SLC28A2: variants seen among roughly 807,000 people sequenced by gnomAD.
The protein encoded by SLC28A2 is solute carrier family 28 member 2.
SLC28A2 carries 69 observed loss-of-function variants against 72.9 expected under a neutral mutation model. That is an observed-to-expected ratio of 0.95 (90% CI 0.78 to 1.16). The LOEUF (loss-of-function observed/expected upper bound fraction) is 1.16, where lower values mean the gene tolerates loss of function less well. Among genes scored for constraint, SLC28A2 ranks in the 50% most tolerant of loss-of-function variants. SLC28A2 has a pLI of 0.00. For missense variants in SLC28A2, 745 were observed against 791.1 expected, an observed-to-expected ratio of 0.94 and a Z score of 0.70; for synonymous variants, 296 against 294.1, an observed-to-expected ratio of 1.01 and a Z score of -0.07.
At chr15:45,262,251 G>A (rs1170485458) in intron 4 of SLC28A2, 145 bp downstream of exon 4, 1 of 609,050 alleles carries the variant, frequency 1.6e-6, no homozygotes, top group African/African-American at 1.8e-5. Flanking sequence ...CTACTTGTAG[G>A]TGCACCATAA....
chr15:45,267,377 C>T lies in SLC28A2; in HGVS notation c.943-78C>T, dbSNP rs1259059736. ...ATGGATGTGTATCTAGTGGGTCCAG[C>T]CCCTGGGGCTGGGGTGGGCACACTG... On this transcript the variant is annotated intron_variant, in intron 10 of 17. Transcript: ENST00000347644. 2.6e-6 allele frequency: 4 copies of T among 1,532,418 alleles called. No homozygotes were observed. In the African/African-American group the frequency reaches 4.1e-5, roughly 16 times the overall value. 94.9% of individuals were successfully genotyped at this position (1,532,418 alleles called of 1,614,324 possible). A position where few individuals can be genotyped will look rare whatever the true frequency, so the allele number is the denominator to read the frequency against.
Position 45,267,656 on chromosome 15 carries a change from C to T in SLC28A2, c.1069-10C>T, listed in dbSNP as rs146025315. The T allele has an allele frequency of 1.5e-4, 240 of 1,614,062 alleles. No individual in the cohort carries two copies. The African/African-American group carries it at 2.6e-3, about 17-fold the overall frequency. ...TAGAAACACTGATGCCTAAGTCTGG[C>T]GCCTCACAGGTTGATGCATCATCCC... is the stretch of plus-strand genomic sequence containing the variant. On this transcript the variant is annotated splice_polypyrimidine_tract_variant and intron_variant, in intron 11 of 17. Transcript: ENST00000347644.
intron 2 of SLC28A2, 53 bp downstream of exon 2, chr15:45,253,349 C>T (rs1346223246): frequency 1.5e-5 from 23 of 1,554,746 alleles, no homozygotes; most frequent in Non-Finnish European, 2.0e-5. Flanking sequence ...TGCATGGGCT[C>T]CTGTAGGGTA....
At position 45,272,657 on chromosome 15, in the gene SLC28A2, T is replaced by G; in HGVS notation, c.1748-16T>G. 1 of 1,387,362 alleles carries G rather than the reference T, an allele frequency of 7.2e-7. No individual in the cohort carries two copies. Among genetic ancestry groups the G allele is most frequent in the Non-Finnish European group, 1.0e-6 (1 of 973,190 alleles). The allele number at this position is 1,387,362 out of a possible 1,614,324, so 85.9% of individuals were successfully genotyped here. The stretch of plus-strand genomic sequence containing the variant: ...TGTCAGATCTTCCCCTTAGTACCTC[T>G]GTCTCCTTTATCCAGGAATCCTCTA... On this transcript the variant is annotated splice_polypyrimidine_tract_variant and intron_variant, in intron 16 of 17. Transcript: ENST00000347644.
intron 4 of SLC28A2, among the ~76,000 whole-genome samples, chr15:45,262,384 G>T (rs1007064534): frequency 3.3e-5 from 5 of 152,084 alleles, no homozygotes; most frequent in African/African-American, 1.2e-4. Context: ...TTAGTGGCTT[G>T]ATTTGGTGGA....
At position 45,267,756 on chromosome 15, in the gene SLC28A2, T is replaced by A. The variant is rs1431463348; in HGVS notation, c.1159T>A (p.Ser387Thr). ...SKLAYPEVEE[S>T]KFKSEEGVKL... ...GCTAGCGTATCCGGAAGTGGAGGAG[T>A]CCAAGTTCAAGAGTGAGGAGGGGGT... Residue 387 changes from serine (S) to threonine (T), a missense_variant, in exon 12 of 18, where the codon TCC (serine) becomes ACC (threonine). Ser to Thr is a moderately conservative substitution (Grantham distance 58, BLOSUM62 1). Transcript: ENST00000347644. 1 of 1,613,562 alleles carries A rather than the reference T, an allele frequency of 6.2e-7. No homozygotes were observed. The highest frequency in any genetic ancestry group is 8.5e-7 in the Non-Finnish European group (1 of 1,179,886).
intron 3 of SLC28A2, among the ~76,000 whole-genome samples, chr15:45,255,575 A>G (rs1899951520): frequency 6.6e-6 from 1 of 152,188 alleles, no homozygotes. Context: ...TTTAGTCTAG[A>G]TGAAATAATA....
At chr15:45,272,837 C>T (rs749859234) in intron 17 of SLC28A2, 53 bp downstream of exon 17, 113 of 923,686 alleles carry the variant, frequency 1.2e-4, no homozygotes, top group Non-Finnish European at 1.7e-4. Flanking sequence ...CAGGTCTCCA[C>T]GGTAATGCTG....
At chr15:45,254,032 T>C (rs1414887989) in intron 3 of SLC28A2, 1 of 153,740 alleles carries the variant, frequency 6.5e-6, no homozygotes, top group Non-Finnish European at 1.4e-5. Context: ...ATGAAGAAGG[T>C]ACAGTCCACA....
chr15:45,272,787 G>A lies in SLC28A2; in HGVS notation c.1859+3G>A. On this transcript the variant is annotated splice_donor_region_variant and intron_variant, in intron 17 of 17. Coordinates refer to ENST00000347644, the MANE Select transcript of SLC28A2 (RefSeq NM_004212.4). ...TGCTGCAGAGGGCTCTTTCAGAGGT[G>A]AGCACCAGGACCCCATTCCTTTCTC... is the stretch of plus-strand genomic sequence containing the variant. 1 of 1,484,000 alleles carries A rather than the reference G, an allele frequency of 6.7e-7. No individual in the cohort carries two copies. Among genetic ancestry groups the A allele is most frequent in the Non-Finnish European group, 9.4e-7 (1 of 1,061,262 alleles). 91.9% of individuals were successfully genotyped at this position (1,484,000 alleles called of 1,614,324 possible).
At position 45,265,024 on chromosome 15, in the gene SLC28A2, C is replaced by T. The variant is rs571257570; in HGVS notation, c.703-65C>T. On this transcript the variant is annotated intron_variant, in intron 7 of 17. Transcript: ENST00000347644. ...TCCTCAGGACGCATGGGGCTGGTCT[C>T]GTCTTCCTGTGTGTCCTTTTGGGTT... The T allele has an allele frequency of 1.8e-5, 23 of 1,298,326 alleles. No individual in the cohort carries two copies. The Admixed American group carries it at 2.0e-4, about 11-fold the overall frequency. The allele number at this position is 1,298,326 out of a possible 1,614,324, so 80.4% of individuals were successfully genotyped here. A position where few individuals can be genotyped will look rare whatever the true frequency, so the allele number is the denominator to read the frequency against.
rs752847533 is a variant in SLC28A2, at chr15:45,267,551, A to T, written c.1039A>T (p.Thr347Ser). ...TGGAGGGTTTGCCACCATTTCTGGC[A>T]CTGTGCTGGGAGCCTTCATAGCCTT... ...MTGGFATISGTVLGAFIAFGV... is the reference protein window; with the variant it reads ...MTGGFATISGSVLGAFIAFGV... Residue 347 changes from threonine (T) to serine (S), a missense_variant, in exon 11 of 18, where the codon ACT becomes TCT. Thr to Ser is a moderately conservative substitution (Grantham distance 58). Transcript: ENST00000347644. The T allele has an allele frequency of 1.9e-6, 3 of 1,614,150 alleles. No individual in the cohort carries two copies. Among genetic ancestry groups the T allele is most frequent in the Non-Finnish European group, 2.5e-6 (3 of 1,180,028 alleles).
chr15:45,267,608 G>A, intron 11 of SLC28A2, 28 bp downstream of exon 11: 1 of 1,614,066 alleles, frequency 6.2e-7, no homozygotes, highest in Non-Finnish European at 8.5e-7. Context: ...GATCACTCCT[G>A]GGTGAACTCG....
intron 10 of SLC28A2, 96 bp from the exon 11 acceptor site, chr15:45,267,359 T>C: frequency 7.7e-7 from 1 of 1,299,950 alleles, no homozygotes; most frequent in Non-Finnish European, 1.1e-6. Context: ...TGGATGGATG[T>C]GTATCTAGTG....
intron 1 of SLC28A2, among the ~76,000 whole-genome samples, 192 bp from the exon 2 acceptor site, chr15:45,253,008 T>G (rs900950137): frequency 2.0e-5 from 3 of 152,262 alleles, no homozygotes; most frequent in Non-Finnish European, 2.9e-5. Flanking sequence ...AATAGGATTT[T>G]ATTTTTCATT....
intron 3 of SLC28A2, chr15:45,255,319 T>C (rs1296524409): frequency 6.6e-6 from 1 of 151,756 alleles, no homozygotes; most frequent in African/African-American, 2.4e-5. Flanking sequence ...TTGGTTAATA[T>C]TTTTGCTCAC....
chr15:45,272,425 T>G, intron 16 of SLC28A2, 32 bp downstream of exon 16: 1 of 1,498,128 alleles, frequency 6.7e-7, no homozygotes, highest in Non-Finnish European at 9.3e-7. Flanking sequence ...GAGATACTGC[T>G]GCATGAGGGT....
At chr15:45,273,747 G>C (rs760596577) in intron 17 of SLC28A2, among the ~76,000 whole-genome samples, 5 of 152,172 alleles carry the variant, frequency 3.3e-5, no homozygotes, top group Admixed American at 2.0e-4. Context: ...AGATACACTA[G>C]ATCCAGTAGA....
At chr15:45,260,636 C>A (rs1440840821) in intron 3 of SLC28A2, among the ~76,000 whole-genome samples, 1 of 152,084 alleles carries the variant, frequency 6.6e-6, no homozygotes, top group Non-Finnish European at 1.5e-5. Flanking sequence ...GTGGTGCACA[C>A]CTGTAGTCCT....
Sources: allele counts gnomAD v4.1 joint callset (sites outside exome capture counted in the v4.1 genomes callset), GRCh38; gene constraint gnomAD v4.1.1; transcripts MANE v1.5; gene names NCBI Gene and HGNC (gene_info 2026-07-23, HGNC 2026-07-21).